Variants in CCDC148 observed in about 807,000 individuals in gnomAD.
CCDC148 encodes coiled-coil domain-containing protein 148.
A neutral mutation model predicts 85.7 loss-of-function variants in CCDC148; 89 were observed. That is an observed-to-expected ratio of 1.04 (90% CI 0.87 to 1.24). CCDC148 has a LOEUF of 1.24. Among genes scored for constraint, CCDC148 ranks in the 50% most tolerant of loss-of-function variants. The pLI, the probability that CCDC148 is intolerant of heterozygous loss-of-function variation, is 0.00. For missense variants in CCDC148, 692 were observed against 671.7 expected (o/e 1.03, Z -0.33); for synonymous variants, 230 against 213.9 (o/e 1.08, Z -0.66).
At chr2:158,204,279 A>G (rs1686118051) in intron 11 of CCDC148, among the ~76,000 whole-genome samples, 1 of 152,194 alleles carries the variant, frequency 6.6e-6, no homozygotes, top group South Asian at 2.1e-4. Context: ...TGGTTTTCAA[A>G]TAGGATCACA....
At position 158,288,266 on chromosome 2, in the gene CCDC148, A is replaced by T. The variant is rs1690727033; in HGVS notation, c.1110+21167T>A. Among the ~76,000 whole-genome samples, 4 of 152,332 alleles carry T rather than the reference A, an allele frequency of 2.6e-5. No individual in the cohort carries two copies. The South Asian group carries it at 8.3e-4, about 32-fold the overall frequency. The stretch of plus-strand genomic sequence containing the variant: ...TCTCCCCATTGTCTTGGGAATTAAC[A>T]TTTAGCTCCTTGTTACTCATGCAAA... On this transcript the variant is annotated intron_variant, in intron 9 of 13. Transcript: ENST00000283233.
intron 9 of CCDC148, among the ~76,000 whole-genome samples, chr2:158,260,567 G>A (rs1305444302): frequency 6.6e-6 from 1 of 151,828 alleles, no homozygotes; most frequent in Non-Finnish European, 1.5e-5. Flanking sequence ...AGAGGAAGTC[G>A]AATTACCCCT....
At chr2:158,276,302 C>A (rs1365446982) in intron 9 of CCDC148, among the ~76,000 whole-genome samples, 1 of 152,078 alleles carries the variant, frequency 6.6e-6, no homozygotes, top group Non-Finnish European at 1.5e-5. Flanking sequence ...GGCCTGGTGG[C>A]ATGCACCTGT....
At chr2:158,454,184 A>C (rs919002369) in intron 1 of CCDC148, among the ~76,000 whole-genome samples, 2 of 152,262 alleles carry the variant, frequency 1.3e-5, no homozygotes, top group Non-Finnish European at 2.9e-5. Context: ...AAACATTGGC[A>C]ACAAAGTAGA....
chr2:158,262,052 A>T (rs545731549), intron 9 of CCDC148, among the ~76,000 whole-genome samples: 1 of 152,194 alleles, frequency 6.6e-6, no homozygotes, highest in Non-Finnish European at 1.5e-5. Context: ...CATAAAAAAG[A>T]CGTGCATGCA....
intron 1 of CCDC148, among the ~76,000 whole-genome samples, chr2:158,450,947 G>A (rs966125443): frequency 6.6e-6 from 1 of 151,916 alleles, no homozygotes; most frequent in African/African-American, 2.4e-5. Context: ...GGTATACTTC[G>A]ATTCTGTCCC....
In CCDC148 at chr2:158,229,182, T is replaced by C. The variant is rs186965711; in HGVS notation, c.1252-8469A>G. Among the ~76,000 whole-genome samples the C allele has an allele frequency of 1.4e-3, 220 of 152,220 alleles. 2 individuals carry two copies. Among genetic ancestry groups the C allele is most frequent in the African/African-American group, 5.1e-3 (211 of 41,558 alleles). ...CTCTTCCTCCAGAATTCTATTATCA[T>C]TGAAAACAGTTCCAACTGTGTAATC... On this transcript the variant is annotated intron_variant, in intron 10 of 13. Coordinates refer to ENST00000283233, the MANE Select transcript of CCDC148 (RefSeq NM_138803.4).
chr2:158,394,977 C>T (rs552870669), intron 1 of CCDC148, among the ~76,000 whole-genome samples: 2 of 152,036 alleles, frequency 1.3e-5, no homozygotes, highest in Non-Finnish European at 2.9e-5. Context: ...ATTATTTCTT[C>T]AGCTTTGTTT....
chr2:158,203,129 C>T (rs886955125), intron 11 of CCDC148, among the ~76,000 whole-genome samples: 2 of 152,150 alleles, frequency 1.3e-5, no homozygotes, highest in African/African-American at 4.8e-5. Context: ...GTCTGTTAGT[C>T]CAGCATCTAC....
intron 9 of CCDC148, among the ~76,000 whole-genome samples, chr2:158,281,831 G>A (rs1421515522): frequency 6.6e-6 from 1 of 152,070 alleles, no homozygotes; most frequent in Non-Finnish European, 1.5e-5. Context: ...CAAAAAAAGA[G>A]AACTTTAAAC....
intron 7 of CCDC148, among the ~76,000 whole-genome samples, chr2:158,330,977 T>A (rs1298934373): frequency 6.6e-6 from 1 of 152,162 alleles, no homozygotes; most frequent in South Asian, 2.1e-4. Flanking sequence ...GATTCATTGA[T>A]TTTTTGAAGG....
At chr2:158,315,742 A>G (rs1692249794) in intron 7 of CCDC148, among the ~76,000 whole-genome samples, 2 of 151,828 alleles carry the variant, frequency 1.3e-5, no homozygotes. Flanking sequence ...GAGAATTGCT[A>G]TGGACCAACT....
At chr2:158,365,627 A>T (rs920167383) in intron 1 of CCDC148, among the ~76,000 whole-genome samples, 7 of 152,122 alleles carry the variant, frequency 4.6e-5, no homozygotes, top group Non-Finnish European at 8.8e-5. Flanking sequence ...GGACACAGGG[A>T]GGGGAACATC....
intron 2 of CCDC148, among the ~76,000 whole-genome samples, chr2:158,346,781 A>G (rs148324014): frequency 0.015 from 2,247 of 152,320 alleles, 30 homozygotes; most frequent in Non-Finnish European, 0.024. Flanking sequence ...ACTTCAGAAG[A>G]CAAGTTCTAA....
At chr2:158,257,652 C>T (rs1689064260) in intron 9 of CCDC148, among the ~76,000 whole-genome samples, 1 of 151,720 alleles carries the variant, frequency 6.6e-6, no homozygotes. Flanking sequence ...ATTTTTTTAT[C>T]ACCTCTCTTT....
intron 1 of CCDC148, among the ~76,000 whole-genome samples, chr2:158,440,579 T>C (rs957160566): frequency 6.6e-6 from 1 of 152,184 alleles, no homozygotes. Flanking sequence ...TATGTACCTA[T>C]GATAAAGTTT....
At chr2:158,279,938 C>T (rs1474151823) in intron 9 of CCDC148, among the ~76,000 whole-genome samples, 2 of 151,630 alleles carry the variant, frequency 1.3e-5, no homozygotes, top group Non-Finnish European at 2.9e-5. Flanking sequence ...TCGGCAGAAA[C>T]TCTACAAGCC....
chr2:158,448,846 G>A (rs1226434236), intron 1 of CCDC148, among the ~76,000 whole-genome samples: 1 of 151,976 alleles, frequency 6.6e-6, no homozygotes, highest in African/African-American at 2.4e-5. Flanking sequence ...TTGTTTTTCT[G>A]AGACGGAGTC....
rs142517502 is a variant in CCDC148, at chr2:158,308,228, A to G, written c.1110+1205T>C. ...ATGTATGTTTACCTCAGTGCAATAC[A>G]ATATAAGGAAAATATCAATTTCAGC... On this transcript the variant is annotated intron_variant, in intron 9 of 13. Transcript: ENST00000283233. Among the ~76,000 whole-genome samples, 359 of 152,370 alleles carry G rather than the reference A, an allele frequency of 2.4e-3. 1 individual carries two copies. The highest frequency in any genetic ancestry group is 8.2e-3 in the African/African-American group (339 of 41,592).
Sources: allele counts gnomAD v4.1 joint callset (sites outside exome capture counted in the v4.1 genomes callset), GRCh38; gene constraint gnomAD v4.1.1; transcripts MANE v1.5; gene names NCBI Gene and HGNC (gene_info 2026-07-23, HGNC 2026-07-21).